The following UNC13C variants were observed in gnomAD, a reference collection of about 807,000 sequenced individuals.
The protein encoded by UNC13C is protein unc-13 homolog C.
In UNC13C, 174 loss-of-function variants were observed where a neutral mutation model predicts 245.4. The observed-to-expected ratio is 0.71, with a 90% CI of 0.63 to 0.80. The LOEUF is 0.80. Ranked by LOEUF, UNC13C falls within the 30% of genes least tolerant of loss-of-function variation. UNC13C has a pLI of 0.00. For missense variants in UNC13C, 2,829 were observed against 2,602.9 expected, an observed-to-expected ratio of 1.09 and a Z score of -1.89; for synonymous variants, 992 against 895.1, an observed-to-expected ratio of 1.11 and a Z score of -1.93.
intron 26 of UNC13C, among the ~76,000 whole-genome samples, chr15:54,534,798 A>C (rs1378980120): frequency 1.3e-5 from 2 of 152,312 alleles, no homozygotes; most frequent in South Asian, 2.1e-4. Flanking sequence ...CAGCAGTCTT[A>C]GTATCCAAGC....
At chr15:54,564,856 C>T in intron 29 of UNC13C, among the ~76,000 whole-genome samples, 1 of 151,946 alleles carries the variant, frequency 6.6e-6, no homozygotes, top group Non-Finnish European at 1.5e-5. Context: ...TACCTAGAGG[C>T]AGCACAAGTT....
intron 10 of UNC13C, among the ~76,000 whole-genome samples, chr15:54,280,688 A>G (rs576206166): frequency 0.011 from 968 of 88,442 alleles, 6 homozygotes; most frequent in Admixed American, 0.027. Flanking sequence ...ATATACATAT[A>G]TAAACATATG....
intron 13 of UNC13C, among the ~76,000 whole-genome samples, chr15:54,308,563 A>G (rs1242385498): frequency 2.6e-5 from 4 of 151,840 alleles, no homozygotes; most frequent in Admixed American, 6.6e-5. Flanking sequence ...GTTATTAACT[A>G]TCATCACCAT....
At chr15:53,969,332 T>A in the UNC13C span, among the ~76,000 whole-genome samples, 1 of 152,178 alleles carries the variant, frequency 6.6e-6, no homozygotes, top group East Asian at 1.9e-4. Flanking sequence ...CATTCTATCC[T>A]CTAACTCAAG....
Position 54,015,548 on chromosome 15 carries a change from T to C in UNC13C, c.2645T>C (p.Met882Thr), listed in dbSNP as rs756531946. The C allele has an allele frequency of 6.2e-7, 1 of 1,613,680 alleles. No homozygotes were observed. The highest frequency in any genetic ancestry group is 1.1e-5 in the South Asian group (1 of 91,064). The change falls in exon 2 of 33, where the codon ATG becomes ACG. Residue 882 changes from methionine (M) to threonine (T), a missense_variant. Met to Thr is a moderately conservative substitution (Grantham distance 81, BLOSUM62 -1). Coordinates refer to ENST00000260323, the MANE Select transcript of UNC13C (RefSeq NM_001080534.3). ...AATGAAACAGATTATGTTGAAGTCA[T>C]GGAACAAGTCCTTGCTAAACTAGAA... ...ADNETDYVEV[M>T]EQVLAKLENR...
chr15:53,904,740 G>C, the UNC13C span, among the ~76,000 whole-genome samples: 1 of 152,088 alleles, frequency 6.6e-6, no homozygotes, highest in Non-Finnish European at 1.5e-5. Flanking sequence ...ACGTTTTCAT[G>C]GGCATGAGCA....
At chr15:54,404,858 C>A (rs1169261599) in intron 18 of UNC13C, among the ~76,000 whole-genome samples, 2 of 152,046 alleles carry the variant, frequency 1.3e-5, no homozygotes, top group Non-Finnish European at 2.9e-5. Context: ...TTCATAAAAC[C>A]ATTCAGTGCT....
intron 30 of UNC13C, among the ~76,000 whole-genome samples, chr15:54,619,289 T>C (rs774319741): frequency 6.6e-6 from 1 of 152,170 alleles, no homozygotes; most frequent in Non-Finnish European, 1.5e-5. Flanking sequence ...CTAGAATCTC[T>C]CCAATGGCAG....
Position 54,561,731 on chromosome 15 carries a change from T to G in UNC13C, c.5959-6069T>G. Among the ~76,000 whole-genome samples, 2 of 152,016 alleles carry G rather than the reference T, an allele frequency of 1.3e-5. 1 individual carries two copies. Among genetic ancestry groups the G allele is most frequent in the Middle Eastern group, 6.3e-3 (2 of 316 alleles). On this transcript the variant is annotated intron_variant, in intron 29 of 32. Transcript: ENST00000260323. ...CATCGATGATTTTAAAAGGTTATGC[T>G]AAAGTCATTTCACCAATAGGGAATC...
chr15:54,560,541 A>G (rs1897260473), intron 29 of UNC13C, among the ~76,000 whole-genome samples: 1 of 151,968 alleles, frequency 6.6e-6, no homozygotes, highest in Non-Finnish European at 1.5e-5. Flanking sequence ...AGATAGAGAA[A>G]ATGATACTTC....
chr15:54,566,179 C>A (rs1173364528), intron 29 of UNC13C, among the ~76,000 whole-genome samples: 3 of 151,972 alleles, frequency 2.0e-5, no homozygotes, highest in African/African-American at 7.2e-5. Flanking sequence ...GAGCACCCCA[C>A]CACCCTTCTA....
chr15:54,278,904 T>C (rs905071132), intron 10 of UNC13C, among the ~76,000 whole-genome samples: 5 of 152,242 alleles, frequency 3.3e-5, no homozygotes, highest in African/African-American at 1.2e-4. Flanking sequence ...GTATTTGTTA[T>C]ACTTTTTAAA....
At chr15:54,146,877 A>G (rs1407796601) in intron 4 of UNC13C, among the ~76,000 whole-genome samples, 2 of 152,210 alleles carry the variant, frequency 1.3e-5, no homozygotes, top group Non-Finnish European at 2.9e-5. Context: ...TTGCAAAAGT[A>G]TATGGAGCAG....
chr15:53,954,272 A>G, the UNC13C span, among the ~76,000 whole-genome samples: 8 of 152,162 alleles, frequency 5.3e-5, no homozygotes, highest in African/African-American at 1.7e-4. Flanking sequence ...TGTTTTCTCT[A>G]TTTGTCCCAC....
intron 19 of UNC13C, among the ~76,000 whole-genome samples, chr15:54,475,110 G>C (rs1175784876): frequency 1.3e-5 from 2 of 151,698 alleles, no homozygotes; most frequent in African/African-American, 4.8e-5. Flanking sequence ...ATATCACTCT[G>C]ATTTGTCTGT....
At chr15:54,525,431 G>C (rs1478844708) in intron 24 of UNC13C, 118 bp from the exon 25 acceptor site, 10 of 510,858 alleles carry the variant, frequency 2.0e-5, no homozygotes, top group Non-Finnish European at 3.2e-5. Flanking sequence ...AAAAAAAGAA[G>C]AGAAAAAAGC....
chr15:54,550,513 T>C (rs574098113), intron 28 of UNC13C, among the ~76,000 whole-genome samples: 1 of 152,264 alleles, frequency 6.6e-6, no homozygotes, highest in Non-Finnish European at 1.5e-5. Flanking sequence ...CCATTGAGTA[T>C]TGGATTGTTT....
chr15:54,064,645 A>C (rs1195474126), intron 2 of UNC13C, among the ~76,000 whole-genome samples: 1 of 152,138 alleles, frequency 6.6e-6, no homozygotes, highest in Non-Finnish European at 1.5e-5. Context: ...TTCCCTCCCC[A>C]GTTTCCGGTG....
intron 4 of UNC13C, among the ~76,000 whole-genome samples, chr15:54,183,776 A>T (rs974952432): frequency 6.8e-6 from 1 of 147,676 alleles, no homozygotes; most frequent in Admixed American, 6.7e-5. Flanking sequence ...AAAAAAAAAC[A>T]TGGGACCAGT....
Sources: gnomAD v4.1 joint callset for allele counts (sites outside exome capture counted in the v4.1 genomes callset) on GRCh38, gnomAD v4.1.1 for gene constraint, MANE v1.5 for transcripts, NCBI Gene and HGNC (gene_info 2026-07-23, HGNC 2026-07-21) for gene names.